The following CDRT4 variants were observed in gnomAD, a reference collection of about 807,000 sequenced individuals.
The protein encoded by CDRT4 is CMT1A duplicated region transcript 4 protein.
For synonymous variants in CDRT4, 64 were observed against 69.6 expected (o/e 0.92, Z 0.40); for missense variants, 167 against 193.1 (o/e 0.87, Z 0.80).
intron 2 of CDRT4, among the ~76,000 whole-genome samples, chr17:15,445,414 T>C (rs1978980207): frequency 6.6e-6 from 1 of 152,212 alleles, no homozygotes; most frequent in South Asian, 2.1e-4. Flanking sequence ...GGAGCAGGAT[T>C]TTCAGAGTCT....
chr17:15,454,336 CA>C (rs1409639181), intron 1 of CDRT4, among the ~76,000 whole-genome samples: 1 of 152,192 alleles, frequency 6.6e-6, no homozygotes, highest in African/African-American at 2.4e-5. Flanking sequence ...CACATACATA[CA>C]CATGTTAACC....
chr17:15,451,376 A>G (rs1476575624), intron 2 of CDRT4, among the ~76,000 whole-genome samples: 1 of 152,150 alleles, frequency 6.6e-6, no homozygotes, highest in Non-Finnish European at 1.5e-5. Context: ...CAGTATGAAA[A>G]TGGACTAACA....
rs918922679 is a variant in CDRT4, at chr17:15,464,603, T to C, written c.-130+2857A>G. Among the ~76,000 whole-genome samples, 49 of 152,192 alleles carry C rather than the reference T, an allele frequency of 3.2e-4. No homozygotes were observed. The highest frequency in any genetic ancestry group is 1.2e-3 in the African/African-American group (49 of 41,514). On this transcript the variant is annotated intron_variant, in intron 1 of 3. Coordinates refer to ENST00000619038, the MANE Select transcript of CDRT4 (RefSeq NM_001204477.2). This position sits in a 1 kb window ranked among gnomAD's most constrained non-coding sequence, Gnocchi z 4.5. Reference sequence around the variant, plus strand: ...CCCAATCTCTGCTGGTGCACCTCCCTGGCAGCTTCCCTCTGCTCCCCTCTC... The same window carrying C: ...CCCAATCTCTGCTGGTGCACCTCCCCGGCAGCTTCCCTCTGCTCCCCTCTC...
At chr17:15,445,006 C>A (rs1265249102) in intron 2 of CDRT4, among the ~76,000 whole-genome samples, 1 of 152,196 alleles carries the variant, frequency 6.6e-6, no homozygotes, top group Non-Finnish European at 1.5e-5. Context: ...TCTCTGGCCG[C>A]AAGCTGCATC....
chr17:15,463,894 G>A (rs1979873825), intron 1 of CDRT4, among the ~76,000 whole-genome samples: 1 of 152,214 alleles, frequency 6.6e-6, no homozygotes, highest in Non-Finnish European at 1.5e-5. Context: ...TCAGTAGCTG[G>A]TGGGGAAGTC....
At chr17:15,452,966 T>C (rs889709112) in intron 2 of CDRT4, 38 bp downstream of exon 2, 5 of 152,220 alleles carry the variant, frequency 3.3e-5, no homozygotes, top group Admixed American at 6.5e-5. Flanking sequence ...ACTGGAAGGA[T>C]AGACTGTGGT....
chr17:15,448,196 C>T (rs1174863807), intron 2 of CDRT4, among the ~76,000 whole-genome samples: 1 of 152,160 alleles, frequency 6.6e-6, no homozygotes, highest in Non-Finnish European at 1.5e-5. Flanking sequence ...GAATCCAGGC[C>T]AGTGTTGTTT....
intron 1 of CDRT4, among the ~76,000 whole-genome samples, chr17:15,465,419 CACAG>C (rs1402701344): frequency 6.6e-6 from 1 of 150,486 alleles, no homozygotes; most frequent in Non-Finnish European, 1.5e-5. Context: ...CACACACCAA[CACAG>C]ACATACACCA....
chr17:15,448,840 T>C (rs1979141989), intron 2 of CDRT4, among the ~76,000 whole-genome samples: 1 of 152,218 alleles, frequency 6.6e-6, no homozygotes, highest in African/African-American at 2.4e-5. Context: ...CCAGGCACAC[T>C]GTCCTCCTTT....
intron 1 of CDRT4, among the ~76,000 whole-genome samples, chr17:15,454,059 T>C (rs1979380202): frequency 6.6e-6 from 1 of 152,104 alleles, no homozygotes; most frequent in South Asian, 2.1e-4. Context: ...GAGAAATTAG[T>C]ACCAAGACAC....
chr17:15,459,439 CT>C (rs35161691), intron 1 of CDRT4, among the ~76,000 whole-genome samples: 11,160 of 107,340 alleles, frequency 0.1, 461 homozygotes, highest in East Asian at 0.32. Flanking sequence ...CTTTTTTTTT[CT>C]TTTTTTTTTT....
At chr17:15,448,324 T>C (rs1203320480) in intron 2 of CDRT4, among the ~76,000 whole-genome samples, 2 of 152,156 alleles carry the variant, frequency 1.3e-5, no homozygotes, top group East Asian at 3.9e-4. Context: ...GAAAACACTT[T>C]CCTAACCCTT....
At chr17:15,455,025 A>G (rs1979425783) in intron 1 of CDRT4, among the ~76,000 whole-genome samples, 1 of 152,170 alleles carries the variant, frequency 6.6e-6, no homozygotes, top group Non-Finnish European at 1.5e-5. Context: ...CATTCTGGAA[A>G]CAAGAAAACT....
intron 2 of CDRT4, among the ~76,000 whole-genome samples, chr17:15,444,574 C>T (rs1376163211): frequency 6.6e-6 from 1 of 151,996 alleles, no homozygotes; most frequent in Non-Finnish European, 1.5e-5. Flanking sequence ...GAAAAAGAAC[C>T]GGGCGCGGTG....
chr17:15,438,488 A>G (rs1271739892), intron 3 of CDRT4, among the ~76,000 whole-genome samples: 11 of 152,160 alleles, frequency 7.2e-5, no homozygotes, highest in Admixed American at 6.5e-4. Flanking sequence ...CTGAACTTCT[A>G]TTTTTTCACC....
chr17:15,439,112 G>A (rs905574732), intron 3 of CDRT4: 2 of 456,046 alleles, frequency 4.4e-6, no homozygotes, highest in Non-Finnish European at 8.8e-6. Context: ...ACTCTATTTA[G>A]CAGAAATGAT....
intron 1 of CDRT4, among the ~76,000 whole-genome samples, chr17:15,463,553 G>A (rs909483093): frequency 6.6e-6 from 1 of 152,154 alleles, no homozygotes; most frequent in African/African-American, 2.4e-5. Context: ...ACAAATTCTT[G>A]GTGTCCGGTT....
At chr17:15,446,373 A>T (rs977215754) in intron 2 of CDRT4, among the ~76,000 whole-genome samples, 5 of 152,134 alleles carry the variant, frequency 3.3e-5, no homozygotes, top group African/African-American at 1.2e-4. Context: ...GCACACAAGA[A>T]GATGACCATT....
Position 15,438,058 on chromosome 17 carries a change from G to C in CDRT4, c.174C>G (p.Leu58=). The change falls in exon 4 of 4, where the codon CTC becomes CTG. Residue 58 remains leucine (L), a synonymous_variant. Coordinates refer to ENST00000619038, the MANE Select transcript of CDRT4 (RefSeq NM_001204477.2). The stretch of plus-strand genomic sequence containing the variant: ...GCCTTGATGCCCAGGGTCTTTCCTC[G>C]AGGGCACGCATGCATTCCAGTTCTC... The part of the protein sequence containing the change: ...KTRELECMRA[L]EERPWASRQN... The C allele has an allele frequency of 4.3e-6, 7 of 1,614,080 alleles. No homozygotes were observed. Among genetic ancestry groups the C allele is most frequent in the Non-Finnish European group, 5.9e-6 (7 of 1,180,014 alleles).
Sources: allele counts gnomAD v4.1 joint callset (sites outside exome capture counted in the v4.1 genomes callset), GRCh38; gene constraint gnomAD v4.1.1; non-coding constraint Gnocchi (gnomAD v3.1); transcripts MANE v1.5; gene names NCBI Gene and HGNC (gene_info 2026-07-23, HGNC 2026-07-21).